Variants in FN1 observed in about 807,000 individuals in gnomAD.
FN1 encodes the protein fibronectin 1, also known as fibronectin.
A neutral mutation model predicts 297.3 loss-of-function variants in FN1; 106 were observed. That is an observed-to-expected ratio of 0.36 (90% confidence interval 0.30 to 0.42). The LOEUF (loss-of-function observed/expected upper bound fraction) is 0.42, where lower values mean the gene tolerates loss of function less well. FN1 is among the 10% of genes least tolerant of loss of function. The probability of loss-of-function intolerance (pLI) is 1.00; values close to 1 mark genes in which losing one functional copy is unlikely to be tolerated. For synonymous variants in FN1, 1,149 were observed against 1,152.6 expected (o/e 1.00, Z 0.06); for missense variants, 2,690 against 3,124.9 (o/e 0.86, Z 3.32).
intron 32 of FN1, 89 bp downstream of exon 32, chr2:215,382,123 G>A: frequency 1.3e-6 from 1 of 785,528 alleles, no homozygotes; most frequent in Non-Finnish European, 2.3e-6. Context: ...CTTTCCCTAT[G>A]TGTAATTGCA....
chr2:215,426,143 C>CTTTTT (rs58002948), intron 6 of FN1, among the ~76,000 whole-genome samples: 28 of 101,046 alleles, frequency 2.8e-4, no homozygotes, highest in Non-Finnish European at 4.3e-4. Flanking sequence ...TTTCTTTTTT[C>CTTTTT]TTTTTTTTTT....
At chr2:215,401,197 GA>G (rs1296600463) in intron 20 of FN1, among the ~76,000 whole-genome samples, 2 of 77,674 alleles carry the variant, frequency 2.6e-5, no homozygotes, top group African/African-American at 1.3e-4. Flanking sequence ...GAGAAAGAAA[GA>G]AAAGAAAGAA....
intron 12 of FN1, among the ~76,000 whole-genome samples, chr2:215,416,894 T>C (rs1451123665): frequency 1.3e-5 from 2 of 152,194 alleles, no homozygotes; most frequent in Non-Finnish European, 2.9e-5. Flanking sequence ...TTCATAAGAT[T>C]TCGAGCACTG....
chr2:215,379,366 A>G, intron 33 of FN1, 49 bp from the exon 34 acceptor site: 1 of 1,529,290 alleles, frequency 6.5e-7, no homozygotes, highest in Non-Finnish European at 9.1e-7. Flanking sequence ...AAATGGGGGA[A>G]AAGGAAAATA....
chr2:215,424,300 G>C lies in FN1; in HGVS notation c.1062C>G (p.Asn354Lys), dbSNP rs756201919. ...GTAAGACACATGGCTCTCCATTTGA[G>C]TTGCCACCGTAAGTCTGGGTTACAG... ...ETAVTQTYGG[N>K]SNGEPCVLPF... Residue 354 changes from asparagine (N) to lysine (K), a missense_variant, in exon 8 of 46, where the codon AAC becomes AAG. Transcript: ENST00000354785. 1 of 1,613,904 alleles carries C rather than the reference G, an allele frequency of 6.2e-7. No individual in the cohort carries two copies. Among genetic ancestry groups the C allele is most frequent in the Non-Finnish European group, 8.5e-7 (1 of 1,179,918 alleles).
chr2:215,370,987 CG>C (rs2055913048), intron 40 of FN1, among the ~76,000 whole-genome samples: 1 of 152,088 alleles, frequency 6.6e-6, no homozygotes, highest in East Asian at 1.9e-4. Context: ...GTCAGTGGGC[CG>C]GGTGTAGTGG....
At chr2:215,370,533 A>C in intron 40 of FN1, 101 bp from the exon 41 acceptor site, 5 of 955,552 alleles carry the variant, frequency 5.2e-6, no homozygotes, top group South Asian at 1.6e-5. Flanking sequence ...AACAAAGCAA[A>C]GGAAGACAAA....
chr2:215,383,223 G>T, intron 31 of FN1, 105 bp downstream of exon 31: 1 of 1,141,590 alleles, frequency 8.8e-7, no homozygotes, highest in Non-Finnish European at 1.3e-6. Flanking sequence ...GGCCAGGCTG[G>T]TCTCGAACTC....
intron 44 of FN1, chr2:215,362,736 T>G (rs892067143): frequency 1.3e-5 from 2 of 153,668 alleles, no homozygotes; most frequent in Non-Finnish European, 2.9e-5. Flanking sequence ...TGCCTGAAGT[T>G]TTTACTGGAA....
At chr2:215,410,890 T>TTATTCCTACCACAAACAGATA (rs1193432780) in intron 13 of FN1, among the ~76,000 whole-genome samples, 1 of 152,224 alleles carries the variant, frequency 6.6e-6, no homozygotes, top group Non-Finnish European at 1.5e-5. Flanking sequence ...CACTTATTTT[T>TTATTCCTACCACAAACAGATA]TATTCCTACC....
At chr2:215,394,488 G>T (rs1319679941) in intron 24 of FN1, 40 bp downstream of exon 24, 1 of 1,484,942 alleles carries the variant, frequency 6.7e-7, no homozygotes, top group Admixed American at 1.7e-5. Flanking sequence ...ACTCTTATTG[G>T]AAGTGTCACT....
At chr2:215,396,434 T>C (rs1217797338) in intron 23 of FN1, among the ~76,000 whole-genome samples, 1 of 152,182 alleles carries the variant, frequency 6.6e-6, no homozygotes, top group East Asian at 1.9e-4. Context: ...TTTTCAAATA[T>C]ATGTGAACAA....
At chr2:215,395,570 A>G (rs2060218268) in intron 23 of FN1, among the ~76,000 whole-genome samples, 1 of 151,868 alleles carries the variant, frequency 6.6e-6, no homozygotes, top group African/African-American at 2.4e-5. Flanking sequence ...ACAAAAAAAG[A>G]GAGTATTGAT....
intron 19 of FN1, 106 bp downstream of exon 19, chr2:215,406,132 C>G: frequency 8.4e-7 from 1 of 1,186,218 alleles, no homozygotes; most frequent in Non-Finnish European, 1.3e-6. Flanking sequence ...GTATTTCCCT[C>G]TCTCTAAGCC....
chr2:215,408,960 T>C (rs1486390402), intron 15 of FN1, among the ~76,000 whole-genome samples: 1 of 152,184 alleles, frequency 6.6e-6, no homozygotes, highest in Non-Finnish European at 1.5e-5. Flanking sequence ...TTTTTCCAAC[T>C]TTTTTTCTAA....
chr2:215,379,446 T>G (rs1409437756), intron 33 of FN1, 129 bp from the exon 34 acceptor site: 3 of 676,166 alleles, frequency 4.4e-6, no homozygotes, highest in East Asian at 6.1e-5. Context: ...AAGCAAAGAT[T>G]CAGTACAAGA....
rs2057812319 is a variant in FN1 at position 215,379,127 on chromosome 2, T to TA, written c.5622+2dup. 6.2e-7 allele frequency: 1 copy of TA among 1,613,648 alleles called. No individual in the cohort carries two copies. The highest frequency in any genetic ancestry group is 1.3e-5 in the African/African-American group (1 of 74,926). On this transcript the variant is annotated splice_region_variant and intron_variant, in intron 34 of 45. Transcript: ENST00000354785. The stretch of plus-strand genomic sequence containing the variant: ...ATTCCAATGAACAACGGTCATGTCT[T>TA]ACCATAAGTCCTGATACAACCACGG...
chr2:215,416,511 G>A (rs1373324028), intron 12 of FN1, among the ~76,000 whole-genome samples: 2 of 152,126 alleles, frequency 1.3e-5, no homozygotes, highest in African/African-American at 4.8e-5. Context: ...GTACTTCCAT[G>A]TAAATCAGGA....
At position 215,382,500 on chromosome 2, in the gene FN1, C is replaced by G. The variant is rs145928170; in HGVS notation, c.5051-175G>C. Among the ~76,000 whole-genome samples the G allele has an allele frequency of 3.6e-3, 552 of 152,272 alleles. 2 individuals are homozygous for G. The highest frequency in any genetic ancestry group is 0.012 in the African/African-American group (516 of 41,538). Reference sequence around the variant, plus strand: ...TCCTCTTGGACAAACCTGTTCATTGCTAATACAAATTACCATATGGGAGTG... The same window carrying G: ...TCCTCTTGGACAAACCTGTTCATTGGTAATACAAATTACCATATGGGAGTG... On this transcript the variant is annotated intron_variant, in intron 31 of 45. Coordinates refer to ENST00000354785, the MANE Select transcript of FN1 (RefSeq NM_212482.4).
Sources: gnomAD v4.1 joint callset for allele counts (sites outside exome capture counted in the v4.1 genomes callset) on GRCh38, gnomAD v4.1.1 for gene constraint, MANE v1.5 for transcripts, NCBI Gene and HGNC (gene_info 2026-07-23, HGNC 2026-07-21) for gene names.